The following CFAP44 variants were observed in gnomAD, a reference collection of about 807,000 sequenced individuals.
The protein encoded by CFAP44 is cilia and flagella associated protein 44, also known as cilia- and flagella-associated protein 44.
A neutral mutation model predicts 216.2 loss-of-function variants in CFAP44; 134 were observed. The observed-to-expected ratio is 0.62, with a 90% CI of 0.54 to 0.72. The LOEUF (loss-of-function observed/expected upper bound fraction) is 0.72. CFAP44 is among the 30% of genes least tolerant of loss of function. The pLI is 0.00. For synonymous variants in CFAP44, 700 were observed against 727.6 expected (o/e 0.96, Z 0.61); for missense variants, 2,035 against 2,182.1 (o/e 0.93, Z 1.34).
At chr3:113,406,070 T>C (rs907064449) in intron 8 of CFAP44, among the ~76,000 whole-genome samples, 2 of 152,344 alleles carry the variant, frequency 1.3e-5, no homozygotes, top group South Asian at 2.1e-4. Context: ...ATGTAAAATA[T>C]TGATAGAGAA....
chr3:113,378,079 T>G (rs566813337), intron 17 of CFAP44, among the ~76,000 whole-genome samples: 22 of 152,316 alleles, frequency 1.4e-4, no homozygotes, highest in African/African-American at 5.3e-4. Context: ...TCTCACTATA[T>G]TACACAGGCT....
chr3:113,432,322 T>C (rs1935126792), intron 2 of CFAP44: 1 of 152,234 alleles, frequency 6.6e-6, no homozygotes, highest in Non-Finnish European at 1.5e-5. Context: ...TAAACCCAGA[T>C]ATGCACTATT....
At chr3:113,366,536 G>A (rs1428423424) in intron 18 of CFAP44, among the ~76,000 whole-genome samples, 1 of 152,142 alleles carries the variant, frequency 6.6e-6, no homozygotes, top group Non-Finnish European at 1.5e-5. Context: ...ATTAGGGTAG[G>A]TTCTAATCCA....
At chr3:113,393,592 C>G (rs778820928) in intron 15 of CFAP44, among the ~76,000 whole-genome samples, 6 of 152,126 alleles carry the variant, frequency 3.9e-5, no homozygotes, top group Non-Finnish European at 8.8e-5. Flanking sequence ...CGCAGTGGCA[C>G]GATCTTGGCA....
At chr3:113,300,678 A>T (rs77286503) in intron 32 of CFAP44, among the ~76,000 whole-genome samples, 4,361 of 152,128 alleles carry the variant, frequency 0.029, 110 homozygotes, top group East Asian at 0.1. Flanking sequence ...AATCAAGAGA[A>T]AAATGAACAA....
intron 4 of CFAP44, among the ~76,000 whole-genome samples, chr3:113,420,844 C>CATATAAAT (rs1190861484): frequency 1.3e-5 from 2 of 152,044 alleles, no homozygotes; most frequent in Non-Finnish European, 2.9e-5. Flanking sequence ...TGATTTATAG[C>CATATAAAT]ATATAAATAT....
intron 24 of CFAP44, among the ~76,000 whole-genome samples, chr3:113,336,683 T>C (rs964195230): frequency 2.6e-5 from 4 of 151,936 alleles, no homozygotes; most frequent in African/African-American, 9.7e-5. Context: ...AAATATAGAA[T>C]AGCAGATGTA....
intron 3 of CFAP44, chr3:113,426,828 G>A (rs576396245): frequency 4.5e-5 from 10 of 221,676 alleles, no homozygotes; most frequent in Non-Finnish European, 6.9e-5. Flanking sequence ...TTATGCCCAC[G>A]TGCATCAGGA....
At position 113,326,624 on chromosome 3, in the gene CFAP44, G is replaced by C. The variant is rs1459010935; in HGVS notation, c.4337C>G (p.Thr1446Ser). Residue 1446 changes from threonine to serine, a missense_variant, in exon 28 of 35, where the codon ACT becomes AGT. Thr to Ser is a moderately conservative substitution (Grantham distance 58, BLOSUM62 1). Transcript: ENST00000393845. Reference protein sequence around the residue: ...EQYMQWKINETLKEMEEKKNE... With the variant: ...EQYMQWKINESLKEMEEKKNE... Reference sequence around the variant, plus strand: ...CTTTTTCTCTTCCATCTCTTTAAGAGTTTCATTTATTTTCCACTAAATGAA... The same window carrying C: ...CTTTTTCTCTTCCATCTCTTTAAGACTTTCATTTATTTTCCACTAAATGAA... 6.7e-7 allele frequency: 1 copy of C among 1,495,560 alleles called. No homozygotes were observed. Among genetic ancestry groups the C allele is most frequent in the Non-Finnish European group, 8.8e-7 (1 of 1,133,166 alleles). The allele number at this position is 1,495,560 out of a possible 1,614,324, so 92.6% of individuals were successfully genotyped here.
At chr3:113,356,848 C>A (rs1303494166) in intron 22 of CFAP44, among the ~76,000 whole-genome samples, 2 of 152,078 alleles carry the variant, frequency 1.3e-5, no homozygotes, top group East Asian at 3.9e-4. Flanking sequence ...ACAAACAACT[C>A]TATTAAGAGA....
At chr3:113,317,227 C>A (rs1021430050) in intron 28 of CFAP44, among the ~76,000 whole-genome samples, 8 of 152,204 alleles carry the variant, frequency 5.3e-5, no homozygotes, top group African/African-American at 1.9e-4. Context: ...AGGGGGATCT[C>A]CCCAGGGAGC....
chr3:113,342,225 T>C (rs1402467814), intron 23 of CFAP44, among the ~76,000 whole-genome samples: 1 of 151,982 alleles, frequency 6.6e-6, no homozygotes, highest in African/African-American at 2.4e-5. Flanking sequence ...CTCAGCTACT[T>C]GGGAGGCTGA....
In CFAP44 at chr3:113,416,559, T is replaced by G. The variant is rs138725993; in HGVS notation, c.639A>C (p.Glu213Asp). Residue 213 changes from glutamate (E) to aspartate (D), a missense_variant, in exon 6 of 35, where the codon GAA becomes GAC. This residue lies in a region of CFAP44 where 1,883 missense variants were observed against 2,023.7 expected (regional missense o/e 0.93). Coordinates refer to ENST00000393845, the MANE Select transcript of CFAP44 (RefSeq NM_001164496.2). ...CTCTGTATGGTCTCAGAGAAGGATA[T>G]TCATAGATGATAATATCTGGAAAAC... ...KGSFPDIIIY[E>D]YPSLRPYRVL... is the part of the protein sequence containing the mutation. 1 of 1,612,468 alleles carries G rather than the reference T, an allele frequency of 6.2e-7. No individual in the cohort carries two copies. Among genetic ancestry groups the G allele is most frequent in the East Asian group, 2.2e-5 (1 of 44,768 alleles).
chr3:113,324,673 A>G (rs1298130677), intron 28 of CFAP44, among the ~76,000 whole-genome samples: 1 of 152,188 alleles, frequency 6.6e-6, no homozygotes, highest in African/African-American at 2.4e-5. Context: ...AAAATAAAGC[A>G]AGAATGTCAG....
At chr3:113,375,097 C>T (rs2107329202) in intron 17 of CFAP44, among the ~76,000 whole-genome samples, 1 of 152,172 alleles carries the variant, frequency 6.6e-6, no homozygotes, top group East Asian at 1.9e-4. Flanking sequence ...GAGACAGATA[C>T]TATATAATTT....
chr3:113,312,283 C>T (rs1209872070), intron 28 of CFAP44, among the ~76,000 whole-genome samples: 1 of 145,734 alleles, frequency 6.9e-6, no homozygotes, highest in Non-Finnish European at 1.5e-5. Context: ...TGGGGTTTCA[C>T]CGTGTTAGCC....
intron 6 of CFAP44, among the ~76,000 whole-genome samples, chr3:113,413,062 C>T (rs1934535404): frequency 1.3e-5 from 2 of 152,144 alleles, no homozygotes; most frequent in African/African-American, 4.8e-5. Flanking sequence ...TAATAATTGC[C>T]ATTCTGACTG....
In CFAP44 at chr3:113,396,571, C is replaced by G. The variant is rs747502899; in HGVS notation, c.1726G>C (p.Ala576Pro). The change falls in exon 14 of 35, where the codon GCT becomes CCT. Residue 576 changes from alanine (A) to proline (P), a missense_variant. By Grantham distance (27) the Ala-to-Pro change is conservative. Transcript: ENST00000393845. Reference sequence around the variant, plus strand: ...TCATAAGCTAAAGCAGTGACACAAGCAGTATGGGGTTTGAAAACCTGTTTC... The same window carrying G: ...TCATAAGCTAAAGCAGTGACACAAGGAGTATGGGGTTTGAAAACCTGTTTC... ...QLKQVFKPHT[A>P]CVTALAYERD... is the part of the protein sequence containing the mutation. 1 of 1,614,094 alleles carries G rather than the reference C, an allele frequency of 6.2e-7. No homozygotes were observed. The highest frequency in any genetic ancestry group is 1.7e-5 in the Admixed American group (1 of 59,994).
chr3:113,361,136 G>A (rs576609081), intron 21 of CFAP44: 1 of 183,606 alleles, frequency 5.4e-6, no homozygotes, highest in African/African-American at 2.4e-5. Flanking sequence ...TTTAATGGAA[G>A]GCCAGGGAAG....
Sources: gnomAD v4.1 joint callset for allele counts (sites outside exome capture counted in the v4.1 genomes callset) on GRCh38, gnomAD v4.1.1 for gene constraint, gnomAD v4.1.1 regional missense constraint, MANE v1.5 for transcripts, NCBI Gene and HGNC (gene_info 2026-07-23, HGNC 2026-07-21) for gene names.